The following AOAH variants were observed in gnomAD, a reference collection of about 807,000 sequenced individuals.
AOAH encodes acyloxyacyl hydrolase (neutrophil).
AOAH carries 64 observed loss-of-function variants against 92.2 expected under a neutral mutation model. The observed-to-expected ratio is 0.69, with a 90% confidence interval of 0.57 to 0.86. The LOEUF (loss-of-function observed/expected upper bound fraction) is 0.86. AOAH is among the 40% of genes least tolerant of loss of function. AOAH has a pLI of 0.00. For synonymous variants in AOAH, 263 were observed against 254.5 expected (o/e 1.03, Z -0.32); for missense variants, 656 against 694.6 (o/e 0.94, Z 0.62).
intron 1 of AOAH, among the ~76,000 whole-genome samples, chr7:36,714,070 A>G (rs1357461581): frequency 6.6e-6 from 1 of 152,232 alleles, no homozygotes; most frequent in Non-Finnish European, 1.5e-5. Context: ...CAAAATTGAT[A>G]GACCGCTAGC....
intron 20 of AOAH, chr7:36,514,508 A>G: frequency 6.5e-7 from 1 of 1,535,820 alleles, no homozygotes; most frequent in Non-Finnish European, 8.7e-7. Flanking sequence ...GTTTCCCTTT[A>G]TCCATGATGT....
intron 2 of AOAH, among the ~76,000 whole-genome samples, chr7:36,679,460 G>C (rs1446268143): frequency 6.6e-6 from 1 of 151,036 alleles, no homozygotes; most frequent in African/African-American, 2.4e-5. Flanking sequence ...TACTCCAAAA[G>C]GTCTTGTTAT....
intron 9 of AOAH, 76 bp from the exon 10 acceptor site, chr7:36,618,421 G>T: frequency 1.5e-6 from 2 of 1,361,064 alleles, no homozygotes; most frequent in South Asian, 1.2e-5. Flanking sequence ...TCTCCTAAAT[G>T]GCTTTAAAAG....
Position 36,682,895 on chromosome 7 carries a change from C to A in AOAH, c.223+3804G>T, listed in dbSNP as rs199624787. On this transcript the variant is annotated intron_variant, in intron 2 of 20. Transcript: ENST00000617537. ...TTCAAAATGTGGATAATAGAAATCC[C>A]AGAAGAAAAAAACAAAATCAAGGAA... Among the ~76,000 whole-genome samples the A allele has an allele frequency of 3.2e-4, 49 of 151,776 alleles. 1 individual carries two copies. In the East Asian group the frequency reaches 7.2e-3, roughly 22 times the overall value.
chr7:36,559,174 A>T (rs1227708994), intron 13 of AOAH, among the ~76,000 whole-genome samples: 1 of 152,178 alleles, frequency 6.6e-6, no homozygotes, highest in East Asian at 1.9e-4. Flanking sequence ...GGTTGATTCC[A>T]TGTCTTTGCT....
At chr7:36,717,724 C>CTTTTTTTTTT (rs1237909204) in intron 1 of AOAH, among the ~76,000 whole-genome samples, 1 of 81,516 alleles carries the variant, frequency 1.2e-5, no homozygotes, top group Non-Finnish European at 2.4e-5. Context: ...TTTTTCTCTT[C>CTTTTTTTTTT]TTATTTTTTT....
chr7:36,532,305 G>A lies in AOAH; in HGVS notation c.1346C>T (p.Ser449Phe), dbSNP rs546013102. ...NKDMTYAQLY[S>F]FLNCLQVSPC... ...GCTCACCTGGAGGCAGTTCAGGAAGGAGTACAACTGCGCATAGGTCATGTC... is the reference window on the plus strand; with the variant it reads ...GCTCACCTGGAGGCAGTTCAGGAAGAAGTACAACTGCGCATAGGTCATGTC... Residue 449 changes from serine to phenylalanine, a missense_variant, in exon 17 of 21, where the codon TCC becomes TTC. By Grantham distance (155) the Ser-to-Phe change is radical. Coordinates refer to ENST00000617537, the MANE Select transcript of AOAH (RefSeq NM_001637.4). 34 of 1,614,178 alleles carry A rather than the reference G, an allele frequency of 2.1e-5. 1 individual carries two copies. The South Asian group carries it at 3.2e-4, about 15-fold the overall frequency.
Position 36,548,664 on chromosome 7 carries a change from C to T in AOAH, c.1081G>A (p.Asp361Asn), listed in dbSNP as rs777265627. ...IESLSRNKVLDYPAIVIYAMI... is the reference protein window; with the variant it reads ...IESLSRNKVLNYPAIVIYAMI... ...GCATATATAACGATGGCGGGATAGT[C>T]CAACACCTTGTTTCTAGACAAGCTG... Residue 361 changes from aspartate (D) to asparagine (N), a missense_variant, in exon 15 of 21, where the codon GAC (aspartate) becomes AAC (asparagine). Physicochemically the swap from Asp to Asn is conservative, Grantham distance 23 (BLOSUM62 1). Transcript: ENST00000617537. The T allele has an allele frequency of 6.2e-7, 1 of 1,613,684 alleles. No individual in the cohort carries two copies. Among genetic ancestry groups the T allele is most frequent in the South Asian group, 1.1e-5 (1 of 91,070 alleles).
At chr7:36,523,140 G>GA (rs1461924797) in intron 19 of AOAH, among the ~76,000 whole-genome samples, 1 of 152,230 alleles carries the variant, frequency 6.6e-6, no homozygotes, top group African/African-American at 2.4e-5. Context: ...CAAAGCTCAG[G>GA]AAAAAAATTC....
chr7:36,593,269 G>A (rs1445453769), intron 12 of AOAH, among the ~76,000 whole-genome samples: 1 of 152,214 alleles, frequency 6.6e-6, no homozygotes, highest in Non-Finnish European at 1.5e-5. Context: ...AGGTGGTTAA[G>A]TATTTAAGAA....
chr7:36,710,279 C>T (rs2116955398), intron 1 of AOAH, among the ~76,000 whole-genome samples: 1 of 152,278 alleles, frequency 6.6e-6, no homozygotes, highest in South Asian at 2.1e-4. Context: ...CAGGCATATT[C>T]AGGGAACCCT....
At chr7:36,667,133 A>G (rs973500432) in intron 3 of AOAH, among the ~76,000 whole-genome samples, 1 of 152,154 alleles carries the variant, frequency 6.6e-6, no homozygotes, top group African/African-American at 2.4e-5. Flanking sequence ...TGAAGTTTTA[A>G]TCTCCATGGT....
intron 13 of AOAH, among the ~76,000 whole-genome samples, chr7:36,560,978 C>T (rs1787217570): frequency 6.6e-6 from 1 of 151,714 alleles, no homozygotes. Context: ...ATGAGGTGGA[C>T]ACAGCCTCAA....
At position 36,540,436 on chromosome 7, in the gene AOAH, T is replaced by G. The variant is rs1190128100; in HGVS notation, c.1189A>C (p.Met397Leu). The part of the protein sequence containing the change: ...TTPEKLYSNV[M>L]QTLKHLNSHL... ...GAATTTAGATGCTTCAGAGTCTGCATGACGTTGGAGTAGAGTTTCTCAGGA... is the reference window on the plus strand; with the variant it reads ...GAATTTAGATGCTTCAGAGTCTGCAGGACGTTGGAGTAGAGTTTCTCAGGA... Residue 397 changes from methionine (M) to leucine (L), a missense_variant, in exon 16 of 21, where the codon ATG (methionine) becomes CTG (leucine). Physicochemically the swap from Met to Leu is conservative, Grantham distance 15. Transcript: ENST00000617537. The G allele has an allele frequency of 6.2e-7, 1 of 1,614,064 alleles. No individual in the cohort carries two copies. Among genetic ancestry groups the G allele is most frequent in the Non-Finnish European group, 8.5e-7 (1 of 1,179,940 alleles).
At chr7:36,528,470 T>C (rs1784516347) in intron 19 of AOAH, among the ~76,000 whole-genome samples, 1 of 152,248 alleles carries the variant, frequency 6.6e-6, no homozygotes, top group Non-Finnish European at 1.5e-5. Context: ...AGATAAGGAC[T>C]CTTCTGCTTT....
chr7:36,599,254 T>C (rs546928830), intron 11 of AOAH, among the ~76,000 whole-genome samples: 1 of 152,312 alleles, frequency 6.6e-6, no homozygotes, highest in Admixed American at 6.5e-5. Flanking sequence ...ATAATTCGAA[T>C]TTGGTAATAT....
Position 36,532,134 on chromosome 7 carries a change from G to A in AOAH, c.1425+13C>T. ...GATCAAAGATGGTATCAAAAGGCCT[G>A]TGACAGTCATACCTCTGAAGTGAGA... On this transcript the variant is annotated intron_variant, in intron 18 of 20. Coordinates refer to ENST00000617537, the MANE Select transcript of AOAH (RefSeq NM_001637.4). 6.2e-7 allele frequency: 1 copy of A among 1,614,058 alleles called. No homozygotes were observed. Among genetic ancestry groups the A allele is most frequent in the East Asian group, 2.2e-5 (1 of 44,888 alleles).
intron 11 of AOAH, among the ~76,000 whole-genome samples, chr7:36,599,241 A>T (rs1790369007): frequency 6.6e-6 from 1 of 152,226 alleles, no homozygotes; most frequent in Non-Finnish European, 1.5e-5. Flanking sequence ...TTTAGTAAAT[A>T]CAATAATTCG....
intron 13 of AOAH, among the ~76,000 whole-genome samples, chr7:36,573,453 C>A (rs1480048571): frequency 6.6e-6 from 1 of 152,224 alleles, no homozygotes; most frequent in Non-Finnish European, 1.5e-5. Context: ...GGCACAGTCA[C>A]ACGCCTGTAA....
Sources: gnomAD v4.1 joint callset for allele counts (sites outside exome capture counted in the v4.1 genomes callset) on GRCh38, gnomAD v4.1.1 for gene constraint, MANE v1.5 for transcripts, NCBI Gene and HGNC (gene_info 2026-07-23, HGNC 2026-07-21) for gene names.